The following MYH7 variants were observed in gnomAD, a reference collection of about 807,000 sequenced individuals.
MYH7 encodes myosin-7.
A neutral mutation model predicts 225.4 loss-of-function variants in MYH7; 129 were observed. The observed-to-expected ratio is 0.57, with a 90% confidence interval of 0.50 to 0.66. The LOEUF (loss-of-function observed/expected upper bound fraction) is 0.66, where lower values mean the gene tolerates loss of function less well. Among genes scored for constraint, MYH7 ranks in the 30% least tolerant of loss-of-function variants. The pLI is 0.00. For missense variants in MYH7, 1,649 were observed against 2,517.0 expected (o/e 0.66, Z 7.38); for synonymous variants, 971 against 1,007.6 (o/e 0.96, Z 0.69).
Position 23,423,820 on chromosome 14 carries a change from A to G in MYH7, c.2922+87T>C, listed in dbSNP as rs1566530423. The G allele has an allele frequency of 4.3e-6, 7 of 1,613,516 alleles. No individual in the cohort carries two copies. In the Admixed American group the frequency reaches 1.2e-4, roughly 27 times the overall value. On this transcript the variant is annotated intron_variant, in intron 23 of 39. Coordinates refer to ENST00000355349, the MANE Select transcript of MYH7 (RefSeq NM_000257.4). ...TGTCAAGGTCCATGCTGCTCTCTGGATGCCGAGTGGCTAGCCTGGGTCAAG... is the reference window on the plus strand; with the variant it reads ...TGTCAAGGTCCATGCTGCTCTCTGGGTGCCGAGTGGCTAGCCTGGGTCAAG...
chr14:23,414,125 G>C (rs1308684979), intron 37 of MYH7, 23 bp from the exon 38 acceptor site: 3 of 1,605,226 alleles, frequency 1.9e-6, no homozygotes, highest in African/African-American at 1.3e-5. Flanking sequence ...GGGTAGGCAG[G>C]GGGTGAAGAT....
At position 23,433,170 on chromosome 14, in the gene MYH7, T is replaced by C; in HGVS notation, c.259A>G (p.Ile87Val). Residue 87 changes from isoleucine to valine, a missense_variant, in exon 4 of 40, where the codon ATC (isoleucine) becomes GTC (valine). This residue lies in a region of MYH7 where 77 missense variants were observed against 144.0 expected (regional missense o/e 0.53). Coordinates refer to ENST00000355349, the MANE Select transcript of MYH7 (RefSeq NM_000257.4). The surrounding 1 kb of genome is among the most constrained non-coding windows in gnomAD (Gnocchi z 4.1). ...AAGGTCAGCATGGCCATGTCCTCGA[T>C]TTTGTCGAACTTGGGTGGGTTCTGC... Reference protein sequence around the residue: ...MQQNPPKFDKIEDMAMLTFLH... With the variant: ...MQQNPPKFDKVEDMAMLTFLH... 6.2e-7 allele frequency: 1 copy of C among 1,614,034 alleles called. No homozygotes were observed. The highest frequency in any genetic ancestry group is 8.5e-7 in the Non-Finnish European group (1 of 1,180,000).
At position 23,425,757 on chromosome 14, in the gene MYH7, C is replaced by T. The variant is rs769396106; in HGVS notation, c.2224G>A (p.Ala742Thr). Residue 742 changes from alanine to threonine, a missense_variant, in exon 20 of 40, where the codon GCA (alanine) becomes ACA (threonine). Ala to Thr is a moderately conservative substitution (Grantham distance 58). Transcript: ENST00000355349. This position sits in a 1 kb window ranked among gnomAD's most constrained non-coding sequence, Gnocchi z 4.6. The stretch of plus-strand genomic sequence containing the variant: ...TCCAGGGAGCTGAGCAGCTTCTCTG[C>T]CCCCTTCCTGCTATCAATGAACTGT... Reference protein sequence around the residue: ...EGQFIDSRKGAEKLLSSLDID... With the variant: ...EGQFIDSRKGTEKLLSSLDID... The T allele has an allele frequency of 4.3e-6, 7 of 1,613,996 alleles. No homozygotes were observed. Among genetic ancestry groups the T allele is most frequent in the Middle Eastern group, 1.7e-4 (1 of 6,056 alleles).
In MYH7 at chr14:23,433,396, C is replaced by T; in HGVS notation, c.201+136G>A. The T allele has an allele frequency of 1.4e-6, 2 of 1,428,776 alleles. No individual in the cohort carries two copies. Among genetic ancestry groups the T allele is most frequent in the Non-Finnish European group, 1.9e-6 (2 of 1,027,974 alleles). 88.5% of individuals were successfully genotyped at this position (1,428,776 alleles called of 1,614,324 possible). A position where few individuals can be genotyped will look rare whatever the true frequency, so the allele number is the denominator to read the frequency against. On this transcript the variant is annotated intron_variant, in intron 3 of 39. Coordinates refer to ENST00000355349, the MANE Select transcript of MYH7 (RefSeq NM_000257.4). The surrounding 1 kb of genome is among the most constrained non-coding windows in gnomAD (Gnocchi z 4.1). ...GGAAGGAGAGGGCTCTTTGGAGGGT[C>T]TGGATTCTTCCCCAAAGGGAAGGAG...
chr14:23,417,450 C>T lies in MYH7; in HGVS notation c.4353+53G>A. On this transcript the variant is annotated intron_variant, in intron 31 of 39. Transcript: ENST00000355349. ...GGATGGCTCTGGCCTCTCACTGAAC[C>T]CCTCATGCCCCCTTGCCCTGCATGC... is the stretch of plus-strand genomic sequence containing the variant. 8 of 1,612,146 alleles carry T rather than the reference C, an allele frequency of 5.0e-6. No individual in the cohort carries two copies. In the South Asian group the frequency reaches 7.7e-5, roughly 16 times the overall value.
rs397516146 is a variant in MYH7, at chr14:23,425,029, A to G, written c.2424-5T>C. The G allele has an allele frequency of 6.2e-6, 10 of 1,614,180 alleles. No individual in the cohort carries two copies. The highest frequency in any genetic ancestry group is 7.6e-6 in the Non-Finnish European group (9 of 1,180,024). Reference sequence around the variant, plus strand: ...TGGATTACCAGCAGGGAGTCTCTGCAGGGGCCCATTGAAAGGAGTGCTGAG... The same window carrying G: ...TGGATTACCAGCAGGGAGTCTCTGCGGGGGCCCATTGAAAGGAGTGCTGAG... On this transcript the variant is annotated splice_region_variant and splice_polypyrimidine_tract_variant and intron_variant, in intron 21 of 39. Coordinates refer to ENST00000355349, the MANE Select transcript of MYH7 (RefSeq NM_000257.4). The surrounding 1 kb of genome is among the most constrained non-coding windows in gnomAD (Gnocchi z 4.6).
chr14:23,427,137 C>G (rs1892723261), intron 17 of MYH7, 103 bp downstream of exon 17: 9 of 1,131,940 alleles, frequency 8.0e-6, no homozygotes, highest in Non-Finnish European at 1.2e-5. Flanking sequence ...ACCAAGGAGA[C>G]AGGGAACGGG....
At chr14:23,414,905 G>A (rs1174343691) in intron 37 of MYH7, 90 bp downstream of exon 37, 1 of 1,592,688 alleles carries the variant, frequency 6.3e-7, no homozygotes, top group Non-Finnish European at 8.5e-7. Flanking sequence ...CGCCCTGGAA[G>A]AGGCTAAGAG....
chr14:23,419,738 A>G, intron 27 of MYH7, 107 bp downstream of exon 27: 1 of 1,612,562 alleles, frequency 6.2e-7, no homozygotes, highest in Non-Finnish European at 8.5e-7. Flanking sequence ...AGAACCAGGC[A>G]GAGGAAGGGA....
At chr14:23,428,029 T>C (rs1397099303) in intron 15 of MYH7, 135 bp from the exon 16 acceptor site, 5 of 1,142,112 alleles carry the variant, frequency 4.4e-6, no homozygotes, top group Non-Finnish European at 6.3e-6. Context: ...TGAGTACAGT[T>C]ATCTACTGAC....
At position 23,429,283 on chromosome 14, in the gene MYH7, G is replaced by A; in HGVS notation, c.1203C>T (p.His401=). Residue 401 remains histidine (H), a synonymous_variant, in exon 13 of 40, where the codon CAC becomes CAT. Coordinates refer to ENST00000355349, the MANE Select transcript of MYH7 (RefSeq NM_000257.4). The stretch of plus-strand genomic sequence containing the variant: ...ACTCATTGCCCACTTTCACCCGAGG[G>A]TGGCACAGCCCCTTGAGCAGGTCGG... ...NSADLLKGLC[H]PRVKVGNEYV... 1.2e-6 allele frequency: 2 copies of A among 1,614,218 alleles called. No individual in the cohort carries two copies. Among genetic ancestry groups the A allele is most frequent in the African/African-American group, 2.7e-5 (2 of 75,046 alleles).
At chr14:23,427,172 G>T in intron 17 of MYH7, 68 bp downstream of exon 17, 1 of 1,492,080 alleles carries the variant, frequency 6.7e-7, no homozygotes, top group Non-Finnish European at 9.3e-7. Context: ...AACAAGGCAG[G>T]GAAGGGTGGG....
chr14:23,417,391 C>A lies in MYH7; in HGVS notation c.4354-73G>T, dbSNP rs1892264726. 14 of 1,611,662 alleles carry A rather than the reference C, an allele frequency of 8.7e-6. No individual in the cohort carries two copies. The South Asian group carries it at 1.4e-4, about 16-fold the overall frequency. On this transcript the variant is annotated intron_variant, in intron 31 of 39. Transcript: ENST00000355349. ...TGTCCAGGGTCTGTCTCAGGACCTGCCTGGGCTCAGCCCTCCTCCCCCACC... is the reference window on the plus strand; with the variant it reads ...TGTCCAGGGTCTGTCTCAGGACCTGACTGGGCTCAGCCCTCCTCCCCCACC...
chr14:23,414,882 G>A, intron 37 of MYH7, 113 bp downstream of exon 37: 7 of 1,554,112 alleles, frequency 4.5e-6, no homozygotes, highest in Admixed American at 1.7e-5. Context: ...AACGGGGGCT[G>A]CATTCCCATC....
At position 23,430,940 on chromosome 14, in the gene MYH7, A is replaced by T; in HGVS notation, c.856T>A (p.Phe286Ile). ...QLKAERDYHI[F>I]YQILSNKKPE... is the part of the protein sequence containing the mutation. ...TTTTTGTTAGACAGGATTTGGTAGAAAATGTGATAATCTCTCTCTGCTTTC... is the reference window on the plus strand; with the variant it reads ...TTTTTGTTAGACAGGATTTGGTAGATAATGTGATAATCTCTCTCTGCTTTC... Residue 286 changes from phenylalanine (F) to isoleucine (I), a missense_variant, in exon 10 of 40, where the codon TTC becomes ATC. Phe to Ile is a conservative substitution (Grantham distance 21, BLOSUM62 0). This residue lies in a region of MYH7 where 131 missense variants were observed against 231.3 expected (regional missense o/e 0.57). Coordinates refer to ENST00000355349, the MANE Select transcript of MYH7 (RefSeq NM_000257.4). 1 of 1,614,150 alleles carries T rather than the reference A, an allele frequency of 6.2e-7. No individual in the cohort carries two copies. Among genetic ancestry groups the T allele is most frequent in the Non-Finnish European group, 8.5e-7 (1 of 1,179,972 alleles).
intron 11 of MYH7, among the ~76,000 whole-genome samples, chr14:23,430,218 C>T (rs1434946928): frequency 6.6e-6 from 1 of 152,178 alleles, no homozygotes; most frequent in African/African-American, 2.4e-5. Flanking sequence ...CCTTCCATAC[C>T]TGTCTGCATC....
chr14:23,415,947 T>C lies in MYH7; in HGVS notation c.4953+57A>G, dbSNP rs1484366352. 1.5e-5 allele frequency: 25 copies of C among 1,613,654 alleles called. No individual in the cohort carries two copies. The highest frequency in any genetic ancestry group is 2.0e-5 in the Non-Finnish European group (24 of 1,179,870). ...GGGCAGGAGGAATCTGGTGCCTGTA[T>C]CAAGACACTACTGCTTCGCCAGGCC... On this transcript the variant is annotated intron_variant, in intron 34 of 39. Transcript: ENST00000355349. The surrounding 1 kb of genome is among the most constrained non-coding windows in gnomAD (Gnocchi z 6.3).
intron 11 of MYH7, 147 bp downstream of exon 11, chr14:23,430,413 A>C: frequency 1.4e-6 from 1 of 715,980 alleles, no homozygotes; most frequent in Non-Finnish European, 2.5e-6. Flanking sequence ...TCCCCAGTAC[A>C]CCCTGATCAC....
Position 23,425,604 on chromosome 14 carries a change from A to G in MYH7, c.2286+91T>C. On this transcript the variant is annotated intron_variant, in intron 20 of 39. Coordinates refer to ENST00000355349, the MANE Select transcript of MYH7 (RefSeq NM_000257.4). This position sits in a 1 kb window ranked among gnomAD's most constrained non-coding sequence, Gnocchi z 4.6. ...GGGAGGGGTAGCATACAGGTAAGAGATTTTGCTAAGATGATTACAACAGGA... is the reference window on the plus strand; with the variant it reads ...GGGAGGGGTAGCATACAGGTAAGAGGTTTTGCTAAGATGATTACAACAGGA... 1.2e-6 allele frequency: 2 copies of G among 1,605,552 alleles called. No individual in the cohort carries two copies. The highest frequency in any genetic ancestry group is 1.1e-5 in the South Asian group (1 of 90,688).
Sources: gnomAD v4.1 joint callset for allele counts (sites outside exome capture counted in the v4.1 genomes callset) on GRCh38, gnomAD v4.1.1 for gene constraint, gnomAD v4.1.1 regional missense constraint, Gnocchi (gnomAD v3.1) non-coding constraint, MANE v1.5 for transcripts, NCBI Gene and HGNC (gene_info 2026-07-23, HGNC 2026-07-21) for gene names.